Variants in CADM2 observed in about 807,000 individuals in gnomAD.
CADM2 encodes cell adhesion molecule 2.
CADM2 carries 12 observed loss-of-function variants against 49.8 expected under a neutral mutation model. The ratio of observed to expected loss-of-function variants is 0.24; its 90% confidence interval spans 0.15 to 0.39. The LOEUF (loss-of-function observed/expected upper bound fraction) is 0.39. CADM2 is among the 10% of genes least tolerant of loss of function. The probability of loss-of-function intolerance (pLI) is 1.00; values close to 1 mark genes in which losing one functional copy is unlikely to be tolerated. For synonymous variants in CADM2, 214 were observed against 175.4 expected (o/e 1.22, Z -1.74); for missense variants, 378 against 492.3 (o/e 0.77, Z 2.20).
chr3:85,562,088 G>T (rs1464941627), intron 1 of CADM2, among the ~76,000 whole-genome samples: 2 of 152,044 alleles, frequency 1.3e-5, no homozygotes, highest in African/African-American at 4.8e-5. Context: ...GCTAGGTAAC[G>T]TTCACTAAGC....
At chr3:85,156,183 G>A (rs2107656711) in intron 1 of CADM2, among the ~76,000 whole-genome samples, 1 of 152,028 alleles carries the variant, frequency 6.6e-6, no homozygotes, top group South Asian at 2.1e-4. Flanking sequence ...ATGAATCCAG[G>A]AGCTGGTTTT....
chr3:85,503,759 A>G (rs541440654), intron 1 of CADM2, among the ~76,000 whole-genome samples: 25 of 152,304 alleles, frequency 1.6e-4, no homozygotes, highest in African/African-American at 5.8e-4. Flanking sequence ...AAAGTGGTCA[A>G]TACAGATGCT....
intron 3 of CADM2, among the ~76,000 whole-genome samples, chr3:85,860,378 T>C (rs2075480310): frequency 6.6e-6 from 1 of 151,770 alleles, no homozygotes; most frequent in Non-Finnish European, 1.5e-5. Flanking sequence ...TTATGTTATC[T>C]GGTGATCTGC....
intron 1 of CADM2, among the ~76,000 whole-genome samples, chr3:85,286,965 C>T (rs1488013451): frequency 1.3e-5 from 2 of 152,024 alleles, no homozygotes; most frequent in Non-Finnish European, 2.9e-5. Context: ...ACCCAAAGGA[C>T]CTATCCATAT....
At chr3:85,792,035 T>C (rs952193848) in intron 2 of CADM2, among the ~76,000 whole-genome samples, 2 of 152,202 alleles carry the variant, frequency 1.3e-5, no homozygotes, top group African/African-American at 4.8e-5. Flanking sequence ...TTGAGTGTTA[T>C]GTTTAAGAAT....
At chr3:85,856,202 G>A (rs772130390) in intron 3 of CADM2, among the ~76,000 whole-genome samples, 11 of 152,098 alleles carry the variant, frequency 7.2e-5, no homozygotes, top group Non-Finnish European at 1.5e-4. Context: ...ACTTAAAATA[G>A]CATATTTATT....
At chr3:85,311,087 C>T (rs192537566) in intron 1 of CADM2, among the ~76,000 whole-genome samples, 2 of 152,092 alleles carry the variant, frequency 1.3e-5, no homozygotes, top group Non-Finnish European at 2.9e-5. Context: ...ATCAATTGAC[C>T]ATGCATTTTC....
intron 6 of CADM2, among the ~76,000 whole-genome samples, chr3:85,918,889 G>T (rs188502433): frequency 6.6e-6 from 1 of 151,956 alleles, no homozygotes; most frequent in Non-Finnish European, 1.5e-5. Context: ...GTATGAGTCA[G>T]ATATTATTTA....
chr3:85,974,229 A>G (rs903931980), intron 8 of CADM2, among the ~76,000 whole-genome samples: 1 of 151,612 alleles, frequency 6.6e-6, no homozygotes, highest in Non-Finnish European at 1.5e-5. Flanking sequence ...TATTTGAACC[A>G]GGATTTAAAG....
chr3:85,976,750 A>G (rs1227640082), intron 8 of CADM2, among the ~76,000 whole-genome samples: 1 of 151,530 alleles, frequency 6.6e-6, no homozygotes, highest in East Asian at 1.9e-4. Flanking sequence ...GTTTTTAGCC[A>G]CATATGATGT....
intron 8 of CADM2, among the ~76,000 whole-genome samples, chr3:85,991,806 T>C (rs7638804): frequency 2.6e-5 from 4 of 152,056 alleles, no homozygotes; most frequent in Admixed American, 6.6e-5. Flanking sequence ...TTGATACCAT[T>C]TTCGTGTTAA....
At chr3:85,153,950 A>G (rs1189393365) in intron 1 of CADM2, among the ~76,000 whole-genome samples, 1 of 152,090 alleles carries the variant, frequency 6.6e-6, no homozygotes, top group African/African-American at 2.4e-5. Context: ...CATCACCATC[A>G]TCAAAGACCA....
chr3:86,043,575 G>A (rs1414231280), intron 8 of CADM2, among the ~76,000 whole-genome samples: 6 of 151,508 alleles, frequency 4.0e-5, no homozygotes, highest in South Asian at 4.2e-4. Flanking sequence ...ATAAAAGAAC[G>A]GAAGAACATT....
intron 3 of CADM2, among the ~76,000 whole-genome samples, chr3:85,822,768 A>T (rs1002767194): frequency 3.7e-4 from 56 of 152,252 alleles, no homozygotes; most frequent in African/African-American, 1.1e-3. Flanking sequence ...TCATATGTGG[A>T]TCTTATGTGA....
rs141738706 is a variant in CADM2, at chr3:86,033,481, G to A, written c.971-32124G>A. On this transcript the variant is annotated intron_variant, in intron 8 of 9. Transcript: ENST00000383699. ...TTCCCCCAGCATCCTCTGTACAGTA[G>A]GTGGGTATGCATACATAGGTGTGGG... Among the ~76,000 whole-genome samples, 461 of 151,710 alleles carry A rather than the reference G, an allele frequency of 3.0e-3. 3 individuals carry two copies. The highest frequency in any genetic ancestry group is 0.01 in the African/African-American group (415 of 41,444).
At chr3:85,108,590 A>C (rs1180130137) in intron 1 of CADM2, among the ~76,000 whole-genome samples, 1 of 152,132 alleles carries the variant, frequency 6.6e-6, no homozygotes, top group Non-Finnish European at 1.5e-5. Flanking sequence ...GATGGCTGCT[A>C]GTGATGGTTG....
chr3:85,642,114 G>T (rs1032921968), intron 1 of CADM2, among the ~76,000 whole-genome samples: 3 of 151,980 alleles, frequency 2.0e-5, no homozygotes, highest in African/African-American at 7.3e-5. Context: ...ATAATGGGAG[G>T]CCATTACCCT....
rs986518920 is a variant in CADM2 at position 85,562,049 on chromosome 3, T to G, written c.62-164473T>G. Among the ~76,000 whole-genome samples the G allele has an allele frequency of 2.0e-5, 3 of 152,260 alleles. No individual in the cohort carries two copies. In the South Asian group the frequency reaches 6.2e-4, roughly 32 times the overall value. On this transcript the variant is annotated intron_variant, in intron 1 of 9. Coordinates refer to ENST00000383699, the MANE Select transcript of CADM2 (RefSeq NM_001167675.2). Reference sequence around the variant, plus strand: ...TCCAGCAAAGTTAAAGAACTTTCCATAAAAGTTGTGTCAACCATAGTACTT... The same window carrying G: ...TCCAGCAAAGTTAAAGAACTTTCCAGAAAAGTTGTGTCAACCATAGTACTT...
At chr3:85,751,741 C>T (rs1055218982) in intron 2 of CADM2, among the ~76,000 whole-genome samples, 19 of 152,136 alleles carry the variant, frequency 1.2e-4, no homozygotes, top group Non-Finnish European at 1.3e-4. Context: ...TTTAAAAACT[C>T]GACAACCAAC....
Sources: gnomAD v4.1 joint callset for allele counts (sites outside exome capture counted in the v4.1 genomes callset) on GRCh38, gnomAD v4.1.1 for gene constraint, MANE v1.5 for transcripts, NCBI Gene and HGNC (gene_info 2026-07-23, HGNC 2026-07-21) for gene names.